FAM186B: variants seen among roughly 807,000 people sequenced by gnomAD.
FAM186B encodes family with sequence similarity 186 member B.
FAM186B carries 68 observed loss-of-function variants against 83.4 expected under a neutral mutation model. That is an observed-to-expected ratio of 0.81 (90% CI 0.67 to 1.00). FAM186B has a LOEUF of 1.00. Ranked by LOEUF, FAM186B falls within the 50% of genes least tolerant of loss-of-function variation. The probability of loss-of-function intolerance (pLI) is 0.00; values close to 1 mark genes in which losing one functional copy is unlikely to be tolerated. For missense variants in FAM186B, 983 were observed against 1,099.2 expected (o/e 0.89, Z 1.49); for synonymous variants, 389 against 422.0 (o/e 0.92, Z 0.96).
chr12:49,603,351 A>T lies in FAM186B; in HGVS notation c.339T>A (p.Tyr113Ter). Residue 113 changes from tyrosine to a stop codon, truncating the protein, a stop_gained, in exon 3 of 7, where the codon TAT becomes TAA. Coordinates refer to ENST00000257894, the MANE Select transcript of FAM186B (RefSeq NM_032130.3). LOFTEE classifies it high-confidence loss of function. ...WLGDWGDTLT[Y>*]EIGPRKSEEE... ...CTTCACTCTTCCTGGGCCCAATCTC[A>T]TAGGTCAGAGTGTCACCTGGAGAAG... is the stretch of plus-strand genomic sequence containing the variant. 1.2e-6 allele frequency: 2 copies of T among 1,614,098 alleles called. No homozygotes were observed. Among genetic ancestry groups the T allele is most frequent in the Non-Finnish European group, 1.7e-6 (2 of 1,180,012 alleles).
downstream of FAM186B, chr12:49,584,688 AC>A: frequency 2.9e-6 from 2 of 697,326 alleles, no homozygotes; most frequent in Non-Finnish European, 5.2e-6. Context: ...GCCATCCCAC[AC>A]CTGAGCACTT....
chr12:49,620,758 A>G, the FAM186B span, among the ~76,000 whole-genome samples: 1 of 152,232 alleles, frequency 6.6e-6, no homozygotes. Context: ...ATCTTGAAAC[A>G]GAAACATGTA....
At chr12:49,606,418 C>G (rs917108688), upstream of FAM186B, among the ~76,000 whole-genome samples, 1 of 151,084 alleles carries the variant, frequency 6.6e-6, no homozygotes, top group African/African-American at 2.4e-5. Flanking sequence ...TCACTTGAGC[C>G]CAGGAGGTCA....
Position 49,597,643 on chromosome 12 carries a change from T to C in FAM186B, c.2364+1112A>G, listed in dbSNP as rs559909355. On this transcript the variant is annotated intron_variant, in intron 5 of 6. Coordinates refer to ENST00000257894, the MANE Select transcript of FAM186B (RefSeq NM_032130.3). Reference sequence around the variant, plus strand: ...AGAGGAGAGAGAAAAATGGCAACTATGTGAGATGATGGATATGTTAATTTG... The same window carrying C: ...AGAGGAGAGAGAAAAATGGCAACTACGTGAGATGATGGATATGTTAATTTG... Among the ~76,000 whole-genome samples, 13 of 152,334 alleles carry C rather than the reference T, an allele frequency of 8.5e-5. No individual in the cohort carries two copies. In the South Asian group the frequency reaches 2.3e-3, roughly 27 times the overall value.
chr12:49,595,555 G>A, intron 5 of FAM186B: 1 of 448,166 alleles, frequency 2.2e-6, no homozygotes, highest in Non-Finnish European at 4.5e-6. Context: ...TGAGAATCGT[G>A]TGGAAAAGGA....
chr12:49,599,423 CAT>C, intron 4 of FAM186B, 44 bp downstream of exon 4: 1 of 1,506,254 alleles, frequency 6.6e-7, no homozygotes, highest in Non-Finnish European at 8.8e-7. Flanking sequence ...GCTCTGCCAA[CAT>C]ATTGCAGCAG....
chr12:49,600,900 A>G lies in FAM186B; in HGVS notation c.740T>C (p.Leu247Ser). The change falls in exon 4 of 7, where the codon TTG becomes TCG. Residue 247 changes from leucine (L) to serine (S), a missense_variant. Transcript: ENST00000257894. This position sits in a 1 kb window ranked among gnomAD's most constrained non-coding sequence, Gnocchi z 4.3. ...ATVVENLNKA[L>S]ILQHKENRSL... ...CCTGTTCTCCTTGTGTTGGAGGATC[A>G]AGGCCTTGTTGAGGTTCTCCACCAC... The G allele has an allele frequency of 6.2e-7, 1 of 1,614,126 alleles. No individual in the cohort carries two copies. The highest frequency in any genetic ancestry group is 8.5e-7 in the Non-Finnish European group (1 of 1,180,008).
chr12:49,591,865 T>C (rs1327174275), intron 5 of FAM186B, among the ~76,000 whole-genome samples: 3 of 151,862 alleles, frequency 2.0e-5, no homozygotes, highest in African/African-American at 4.8e-5. Context: ...CCTAATATAA[T>C]ATAAACACTA....
intron 5 of FAM186B, chr12:49,595,535 A>C (rs1939696301): frequency 4.4e-6 from 2 of 458,678 alleles, no homozygotes; most frequent in Admixed American, 4.7e-5. Flanking sequence ...GGAAGCCATT[A>C]CACCTACTCT....
intron 1 of FAM186B, chr12:49,604,783 G>GT (rs1939975087): frequency 7.4e-6 from 3 of 405,536 alleles, no homozygotes; most frequent in Admixed American, 4.0e-5. Flanking sequence ...TATTATCATT[G>GT]TGATTATTAA....
At chr12:49,616,987 T>C in the FAM186B span, among the ~76,000 whole-genome samples, 1 of 152,214 alleles carries the variant, frequency 6.6e-6, no homozygotes, top group Non-Finnish European at 1.5e-5. Context: ...CTCTTCTTCC[T>C]TTGTCAATGG....
the FAM186B span, among the ~76,000 whole-genome samples, chr12:49,619,980 C>A: frequency 6.6e-6 from 1 of 151,956 alleles, no homozygotes; most frequent in Non-Finnish European, 1.5e-5. Flanking sequence ...GCGTCCACAT[C>A]TCATTATTGA....
At chr12:49,611,509 G>A in the FAM186B span, among the ~76,000 whole-genome samples, 1 of 150,102 alleles carries the variant, frequency 6.7e-6, no homozygotes, top group South Asian at 2.1e-4. Flanking sequence ...AATTGAGACT[G>A]CACTGCTGCA....
rs372580160 is a variant in FAM186B, at chr12:49,604,865, G to A, written c.97-327C>T. On this transcript the variant is annotated intron_variant, in intron 1 of 6. Transcript: ENST00000257894. ...CTTTAGAATTTCAGAGGTTGCTGGG[G>A]GTTTCTGGATGTCTTTCCTCACAAG... 1.3e-4 allele frequency: 32 copies of A among 238,282 alleles called. No homozygotes were observed. The South Asian group carries it at 1.4e-3, about 10-fold the overall frequency. The allele number at this position is 238,282 out of a possible 1,614,324, so 14.8% of individuals were successfully genotyped here. A position where few individuals can be genotyped will look rare whatever the true frequency, so the allele number is the denominator to read the frequency against.
rs368639665 is a variant in FAM186B, at chr12:49,601,148, A to G, written c.506-14T>C. 2.6e-6 allele frequency: 4 copies of G among 1,525,758 alleles called. No homozygotes were observed. The highest frequency in any genetic ancestry group is 3.5e-6 in the Non-Finnish European group (4 of 1,136,910). 94.5% of individuals were successfully genotyped at this position (1,525,758 alleles called of 1,614,324 possible). A position where few individuals can be genotyped will look rare whatever the true frequency, so the allele number is the denominator to read the frequency against. The stretch of plus-strand genomic sequence containing the variant: ...TGCGTTTGGACACTGGGACAGGTAG[A>G]GAGAAAAAAGTCAACGATTTCTCAT... On this transcript the variant is annotated splice_polypyrimidine_tract_variant and intron_variant, in intron 3 of 6. Transcript: ENST00000257894.
downstream of FAM186B, among the ~76,000 whole-genome samples, chr12:49,586,123 T>C (rs1374073870): frequency 6.6e-6 from 1 of 152,102 alleles, no homozygotes; most frequent in Non-Finnish European, 1.5e-5. Context: ...AGGTACAGGG[T>C]TGAAAGCAGG....
At chr12:49,621,929 G>A in the FAM186B span, among the ~76,000 whole-genome samples, 11 of 152,248 alleles carry the variant, frequency 7.2e-5, no homozygotes, top group African/African-American at 2.7e-4. Context: ...AGGGGAAGAC[G>A]ATGGGGGCAG....
At chr12:49,584,098 G>C (rs1939390317), downstream of FAM186B, 1 of 190,476 alleles carries the variant, frequency 5.3e-6, no homozygotes, top group African/African-American at 2.3e-5. Context: ...CTTTCATGCA[G>C]ATCACTGGCA....
At chr12:49,608,027 C>A (rs2138319934), upstream of FAM186B, among the ~76,000 whole-genome samples, 2 of 151,530 alleles carry the variant, frequency 1.3e-5, no homozygotes, top group East Asian at 3.9e-4. Context: ...GGTACCAAAA[C>A]CAGAAAAACA....
Sources: allele counts gnomAD v4.1 joint callset (sites outside exome capture counted in the v4.1 genomes callset), GRCh38; gene constraint gnomAD v4.1.1; non-coding constraint Gnocchi (gnomAD v3.1); transcripts MANE v1.5; gene names NCBI Gene and HGNC (gene_info 2026-07-23, HGNC 2026-07-21).